Variants in SETBP1 observed in about 807,000 individuals in gnomAD.
The protein encoded by SETBP1 is SET-binding protein.
SETBP1 carries 9 observed loss-of-function variants against 101.0 expected under a neutral mutation model. The ratio of observed to expected loss-of-function variants is 0.09; its 90% confidence interval spans 0.05 to 0.16. The LOEUF is 0.16. Among genes scored for constraint, SETBP1 ranks in the 10% least tolerant of loss-of-function variants. The pLI is 1.00. For synonymous variants in SETBP1, 818 were observed against 788.5 expected (o/e 1.04, Z -0.63); for missense variants, 1,858 against 2,033.8 (o/e 0.91, Z 1.66).
At chr18:44,745,383 T>C (rs1407376847) in intron 2 of SETBP1, among the ~76,000 whole-genome samples, 2 of 152,150 alleles carry the variant, frequency 1.3e-5, no homozygotes, top group Non-Finnish European at 2.9e-5. Context: ...TAGGGGCTGA[T>C]GACCAAGATC....
intron 3 of SETBP1, among the ~76,000 whole-genome samples, chr18:44,895,993 C>G (rs969113451): frequency 6.6e-6 from 1 of 152,096 alleles, no homozygotes; most frequent in South Asian, 2.1e-4. Context: ...ACACACACTC[C>G]CTGATAGGAG....
At chr18:44,947,791 C>T (rs2071244194) in intron 3 of SETBP1, among the ~76,000 whole-genome samples, 1 of 152,178 alleles carries the variant, frequency 6.6e-6, no homozygotes, top group African/African-American at 2.4e-5. Flanking sequence ...AGGCGTGAGC[C>T]ACTACACCCA....
intron 2 of SETBP1, among the ~76,000 whole-genome samples, chr18:44,804,324 G>A (rs1031071116): frequency 2.0e-5 from 3 of 152,134 alleles, no homozygotes; most frequent in African/African-American, 4.8e-5. Context: ...AAAATGTTAT[G>A]TATTCCTCAT....
intron 3 of SETBP1, among the ~76,000 whole-genome samples, chr18:44,912,773 G>C (rs188644413): frequency 6.6e-6 from 1 of 152,126 alleles, no homozygotes; most frequent in Admixed American, 6.5e-5. Flanking sequence ...CCCCTCCTCT[G>C]TGCACCATCG....
chr18:44,820,362 G>A (rs903379780), intron 2 of SETBP1, among the ~76,000 whole-genome samples: 1 of 152,204 alleles, frequency 6.6e-6, no homozygotes, highest in Non-Finnish European at 1.5e-5. Flanking sequence ...CCTAACTCTT[G>A]TAGCTTTTGA....
intron 3 of SETBP1, among the ~76,000 whole-genome samples, chr18:44,946,290 C>A (rs1376448370): frequency 6.6e-6 from 1 of 152,172 alleles, no homozygotes; most frequent in Non-Finnish European, 1.5e-5. Context: ...ACAATGGGAT[C>A]AGGCAGTGGT....
intron 2 of SETBP1, among the ~76,000 whole-genome samples, chr18:44,785,027 G>A (rs2071209955): frequency 6.6e-6 from 1 of 152,030 alleles, no homozygotes; most frequent in African/African-American, 2.4e-5. Context: ...ATTTATAATC[G>A]ATGTACTTTG....
intron 1 of SETBP1, among the ~76,000 whole-genome samples, chr18:44,681,987 C>T (rs1386565588): frequency 6.6e-6 from 1 of 152,162 alleles, no homozygotes; most frequent in Non-Finnish European, 1.5e-5. Context: ...CACACCTTTC[C>T]CCTTAAAGTT....
At chr18:44,962,914 CT>C (rs1192969154) in intron 4 of SETBP1, among the ~76,000 whole-genome samples, 1 of 152,126 alleles carries the variant, frequency 6.6e-6, no homozygotes, top group Non-Finnish European at 1.5e-5. Flanking sequence ...AGATAAAAAG[CT>C]TTCCCTGAGG....
chr18:44,716,625 C>T (rs1276545883), intron 2 of SETBP1, among the ~76,000 whole-genome samples: 4 of 152,056 alleles, frequency 2.6e-5, no homozygotes, highest in African/African-American at 7.3e-5. Context: ...TGCAGTGGTG[C>T]GATCTCGGCT....
At chr18:45,016,860 C>A (rs2072956917) in intron 4 of SETBP1, among the ~76,000 whole-genome samples, 1 of 136,554 alleles carries the variant, frequency 7.3e-6, no homozygotes, top group Non-Finnish European at 1.5e-5. Context: ...GGCAGGTTTT[C>A]AGAGCCGACT....
intron 4 of SETBP1, among the ~76,000 whole-genome samples, chr18:45,016,173 G>A (rs984126051): frequency 6.6e-5 from 10 of 152,196 alleles, no homozygotes; most frequent in Non-Finnish European, 1.3e-4. Context: ...TCATATGAAC[G>A]GGGCTGGTGA....
chr18:44,765,933 A>T (rs1049210653), intron 2 of SETBP1, among the ~76,000 whole-genome samples: 4 of 152,250 alleles, frequency 2.6e-5, no homozygotes, highest in Non-Finnish European at 4.4e-5. Flanking sequence ...TTATAATAGT[A>T]ATTAGAGTTA....
chr18:44,785,015 G>T (rs2071209618), intron 2 of SETBP1, among the ~76,000 whole-genome samples: 1 of 152,150 alleles, frequency 6.6e-6, no homozygotes, highest in African/African-American at 2.4e-5. Context: ...TGTGACAACA[G>T]AATTTATAAT....
At chr18:44,866,532 A>G (rs561909310) in intron 2 of SETBP1, among the ~76,000 whole-genome samples, 1 of 152,352 alleles carries the variant, frequency 6.6e-6, no homozygotes, top group East Asian at 1.9e-4. Context: ...CTTTTTAGAC[A>G]GGGTCTTGTT....
chr18:44,872,200 T>G (rs1301346775), intron 3 of SETBP1: 1 of 152,194 alleles, frequency 6.6e-6, no homozygotes. Flanking sequence ...AAAAACCATA[T>G]GCTTTCCTCT....
At chr18:44,773,816 C>G (rs976367864) in intron 2 of SETBP1, among the ~76,000 whole-genome samples, 1 of 136,354 alleles carries the variant, frequency 7.3e-6, no homozygotes, top group Admixed American at 7.9e-5. Flanking sequence ...CTCTCTCTCT[C>G]TCTCTCTGTC....
intron 2 of SETBP1, among the ~76,000 whole-genome samples, chr18:44,825,158 C>T (rs559382504): frequency 1.3e-3 from 201 of 152,312 alleles, no homozygotes; most frequent in Non-Finnish European, 2.2e-3. Flanking sequence ...TGGGATAGAT[C>T]TTAGAGTTAT....
chr18:44,683,514 G>A (rs2068791937), intron 1 of SETBP1, among the ~76,000 whole-genome samples: 1 of 152,236 alleles, frequency 6.6e-6, no homozygotes, highest in East Asian at 1.9e-4. Context: ...TCCTCTAGGG[G>A]ATGAATCGAT....
Sources: allele counts gnomAD v4.1 joint callset (sites outside exome capture counted in the v4.1 genomes callset), GRCh38; gene constraint gnomAD v4.1.1; transcripts MANE v1.5; gene names NCBI Gene and HGNC (gene_info 2026-07-23, HGNC 2026-07-21).